The following CNTN5 variants were observed in gnomAD, a reference collection of about 807,000 sequenced individuals.
The protein encoded by CNTN5 is contactin 5.
Under a neutral mutation model 129.1 loss-of-function variants are expected in CNTN5, and 77 were observed. The ratio of observed to expected loss-of-function variants is 0.60; its 90% CI spans 0.50 to 0.72. CNTN5 has a LOEUF of 0.72. CNTN5 is among the 30% of genes least tolerant of loss of function. CNTN5 has a pLI of 0.00. For missense variants in CNTN5, 1,478 were observed against 1,328.8 expected, an observed-to-expected ratio of 1.11 and a Z score of -1.75; for synonymous variants, 509 against 465.6, an observed-to-expected ratio of 1.09 and a Z score of -1.20.
chr11:99,306,074 T>A (rs1285836860), intron 1 of CNTN5, among the ~76,000 whole-genome samples: 1 of 152,212 alleles, frequency 6.6e-6, no homozygotes, highest in African/African-American at 2.4e-5. Flanking sequence ...ATACAATTTC[T>A]TGAAATGTTG....
At chr11:99,779,104 C>A (rs546340328) in intron 3 of CNTN5, among the ~76,000 whole-genome samples, 1 of 151,822 alleles carries the variant, frequency 6.6e-6, no homozygotes, top group South Asian at 2.1e-4. Flanking sequence ...AATCTATAGA[C>A]ATTTTAATAT....
chr11:100,337,670 C>T, intron 21 of CNTN5: 1 of 627,054 alleles, frequency 1.6e-6, no homozygotes, highest in Non-Finnish European at 3.1e-6. Flanking sequence ...CTGGACCTAG[C>T]TTCACAATCT....
intron 18 of CNTN5, among the ~76,000 whole-genome samples, chr11:100,272,313 G>A (rs1950421384): frequency 6.6e-6 from 1 of 152,150 alleles, no homozygotes; most frequent in African/African-American, 2.4e-5. Context: ...ACATAGGTCA[G>A]ATACACATAT....
At chr11:100,034,781 C>G (rs988550508) in intron 9 of CNTN5, among the ~76,000 whole-genome samples, 2 of 152,210 alleles carry the variant, frequency 1.3e-5, no homozygotes, top group African/African-American at 4.8e-5. Context: ...TTTGATGACC[C>G]CTGTCATAAA....
intron 13 of CNTN5, among the ~76,000 whole-genome samples, chr11:100,136,771 C>T (rs1451316953): frequency 8.3e-6 from 1 of 119,950 alleles, no homozygotes; most frequent in Non-Finnish European, 1.7e-5. Context: ...TAAATATGGG[C>T]CTGGTTTCCA....
At chr11:99,792,569 GTGTGTGTC>G (rs1565538305) in intron 3 of CNTN5, among the ~76,000 whole-genome samples, 2 of 77,714 alleles carry the variant, frequency 2.6e-5, no homozygotes, top group African/African-American at 9.5e-5. Context: ...GTGTGTGTGT[GTGTGTGTC>G]TGTCTGTCTG....
At chr11:99,268,427 T>C (rs967596503) in intron 1 of CNTN5, among the ~76,000 whole-genome samples, 2 of 151,638 alleles carry the variant, frequency 1.3e-5, no homozygotes, top group Admixed American at 6.6e-5. Context: ...GTAATAATTA[T>C]AATATTAGAT....
Position 99,696,785 on chromosome 11 carries a change from C to T in CNTN5, c.56-122759C>T, listed in dbSNP as rs75549901. 8.3e-3 allele frequency among the ~76,000 whole-genome samples: 1,256 copies of T among 151,850 alleles called. 11 individuals are homozygous for T. The highest frequency in any genetic ancestry group is 0.014 in the Non-Finnish European group (933 of 67,916). ...ATTGGTATCTTGGTTTGGCAGTGTCCGAAAAATTGTGATTGCCTTTAAAGT... is the reference window on the plus strand; with the variant it reads ...ATTGGTATCTTGGTTTGGCAGTGTCTGAAAAATTGTGATTGCCTTTAAAGT... On this transcript the variant is annotated intron_variant, in intron 3 of 24. Coordinates refer to ENST00000524871, the MANE Select transcript of CNTN5 (RefSeq NM_014361.4).
In CNTN5 at chr11:99,458,874, C is replaced by T. The variant is rs866395633; in HGVS notation, c.-70-97271C>T. Among the ~76,000 whole-genome samples, 5 of 151,858 alleles carry T rather than the reference C, an allele frequency of 3.3e-5. No individual in the cohort carries two copies. In the South Asian group the frequency reaches 1.0e-3, roughly 32 times the overall value. ...TGGAGGTCTAGTAGATGAGCAAGAA[C>T]CTTATGTACTGTAAGAAGGAATTGC... On this transcript the variant is annotated intron_variant, in intron 2 of 24. Coordinates refer to ENST00000524871, the MANE Select transcript of CNTN5 (RefSeq NM_014361.4).
At chr11:99,322,864 G>A (rs1370777921) in intron 1 of CNTN5, among the ~76,000 whole-genome samples, 2 of 152,166 alleles carry the variant, frequency 1.3e-5, no homozygotes, top group Non-Finnish European at 2.9e-5. Flanking sequence ...TTTTCCATCT[G>A]TAAAGTAAAA....
chr11:99,646,825 AAAG>A (rs1487315525), intron 3 of CNTN5, among the ~76,000 whole-genome samples: 2 of 151,776 alleles, frequency 1.3e-5, no homozygotes, highest in South Asian at 2.1e-4. Flanking sequence ...AAAAAAAAAA[AAAG>A]GAAAAAAACC....
In CNTN5 at chr11:99,561,563, G is replaced by A. The variant is rs556088648; in HGVS notation, c.55+5294G>A. On this transcript the variant is annotated intron_variant, in intron 3 of 24. Coordinates refer to ENST00000524871, the MANE Select transcript of CNTN5 (RefSeq NM_014361.4). ...ACAGAATGGGAAATGGGGGCCAAAA[G>A]AGAAGTGATTTCATGGTGGAGAAAA... is the stretch of plus-strand genomic sequence containing the variant. Among the ~76,000 whole-genome samples, 7 of 152,218 alleles carry A rather than the reference G, an allele frequency of 4.6e-5. No homozygotes were observed. The East Asian group carries it at 5.8e-4, about 13-fold the overall frequency.
chr11:99,384,472 A>G lies in CNTN5; in HGVS notation c.-71+58988A>G, dbSNP rs367976689. Among the ~76,000 whole-genome samples the G allele has an allele frequency of 4.0e-4, 61 of 152,224 alleles. 2 individuals are homozygous for G. The highest frequency in any genetic ancestry group is 1.5e-3 in the African/African-American group (61 of 41,542). On this transcript the variant is annotated intron_variant, in intron 2 of 24. Transcript: ENST00000524871. ...AAAAAAATGTACTTAGGTGAATTTC[A>G]CCCCCAACCGAGGGACTCAGGACAC...
chr11:99,439,704 T>C (rs1373991200), intron 2 of CNTN5, among the ~76,000 whole-genome samples: 1 of 33,032 alleles, frequency 3.0e-5, no homozygotes, highest in Non-Finnish European at 6.4e-5. Flanking sequence ...CAAGACTCTG[T>C]CTCAAAAAAA....
At chr11:99,414,670 AG>A (rs1397942971) in intron 2 of CNTN5, among the ~76,000 whole-genome samples, 2 of 152,136 alleles carry the variant, frequency 1.3e-5, no homozygotes, top group East Asian at 3.9e-4. Context: ...ACATCTGAGC[AG>A]GACCTGAATT....
At chr11:100,350,507 T>A (rs1382932398) in intron 23 of CNTN5, among the ~76,000 whole-genome samples, 195 bp from the exon 24 acceptor site, 1 of 151,768 alleles carries the variant, frequency 6.6e-6, no homozygotes, top group Non-Finnish European at 1.5e-5. Context: ...TAGACAAAAT[T>A]AAACTCTCTC....
chr11:99,620,388 T>A (rs1333495993), intron 3 of CNTN5, among the ~76,000 whole-genome samples: 1 of 151,948 alleles, frequency 6.6e-6, no homozygotes, highest in East Asian at 1.9e-4. Flanking sequence ...ATTGCCAGCA[T>A]ATAATATTTA....
intron 2 of CNTN5, among the ~76,000 whole-genome samples, chr11:99,347,233 C>T (rs891790326): frequency 2.6e-5 from 4 of 152,104 alleles, no homozygotes; most frequent in African/African-American, 9.7e-5. Context: ...AGTCCTGTCA[C>T]GTGGATAGTT....
At chr11:99,778,238 A>T (rs374913879) in intron 3 of CNTN5, among the ~76,000 whole-genome samples, 42 of 151,874 alleles carry the variant, frequency 2.8e-4, no homozygotes, top group African/African-American at 9.4e-4. Context: ...GCTTGGATAC[A>T]CAACTCAGGT....
Sources: gnomAD v4.1 joint callset for allele counts (sites outside exome capture counted in the v4.1 genomes callset) on GRCh38, gnomAD v4.1.1 for gene constraint, MANE v1.5 for transcripts, NCBI Gene and HGNC (gene_info 2026-07-23, HGNC 2026-07-21) for gene names.